The following ZNF469 variants were observed in gnomAD, a reference collection of about 807,000 sequenced individuals.
The protein encoded by ZNF469 is zinc finger protein 469.
In ZNF469, 1 loss-of-function variant was observed where a neutral mutation model predicts 1.0. The observed-to-expected ratio is 1.00, with a 90% CI of 0.35 to 4.73. The LOEUF (loss-of-function observed/expected upper bound fraction) is 4.73, where lower values mean the gene tolerates loss of function less well. Among genes scored for constraint, ZNF469 ranks in the 30% most tolerant of loss-of-function variants. The pLI is 0.16. For synonymous variants in ZNF469, 2,703 were observed against 2,363.4 expected (o/e 1.14, Z -4.17); for missense variants, 6,100 against 5,356.3 (o/e 1.14, Z -4.33).
At chr16:88,371,760 C>T in the ZNF469 span, among the ~76,000 whole-genome samples, 1 of 152,178 alleles carries the variant, frequency 6.6e-6, no homozygotes, top group African/African-American at 2.4e-5. Context: ...AACACATTTG[C>T]TATGCTTAAT....
chr16:88,129,203 C>A, the ZNF469 span, among the ~76,000 whole-genome samples: 2 of 152,246 alleles, frequency 1.3e-5, no homozygotes, highest in Non-Finnish European at 2.9e-5. Context: ...AGCCCTGCCA[C>A]AGCGTCATGC....
the ZNF469 span, among the ~76,000 whole-genome samples, chr16:88,160,815 G>A: frequency 1.3e-5 from 2 of 152,198 alleles, no homozygotes; most frequent in African/African-American, 4.8e-5. Flanking sequence ...CCAGCCGCCA[G>A]CAGGCAGGAA....
At chr16:88,136,937 A>T in the ZNF469 span, among the ~76,000 whole-genome samples, 1 of 152,236 alleles carries the variant, frequency 6.6e-6, no homozygotes, top group South Asian at 2.1e-4. Context: ...CAAAGATCTC[A>T]GCATCCTTGG....
chr16:88,433,606 A>G lies in ZNF469; in HGVS notation c.6136A>G (p.Met2046Val), dbSNP rs1000123778. The change falls in exon 3 of 3, where the codon ATG becomes GTG. Residue 2046 changes from methionine (M) to valine (V), a missense_variant. Met to Val is a conservative substitution (Grantham distance 21). Transcript: ENST00000565624. ...LEKCKGSRAA[M>V]SLQEEAEPTP... ...GAAATGCAAGGGAAGCAGGGCAGCC[A>G]TGAGCCTTCAGGAGGAGGCCGAGCC... 10 of 1,550,182 alleles carry G rather than the reference A, an allele frequency of 6.5e-6. No homozygotes were observed. In the African/African-American group the frequency reaches 9.6e-5, roughly 15 times the overall value.
chr16:88,379,990 G>A (rs146576293), upstream of ZNF469, among the ~76,000 whole-genome samples: 250 of 152,238 alleles, frequency 1.6e-3, no homozygotes, highest in Non-Finnish European at 2.9e-3. Flanking sequence ...ACGCCCAGGC[G>A]GCATTCAGGT....
the ZNF469 span, among the ~76,000 whole-genome samples, chr16:88,316,166 C>A: frequency 6.6e-6 from 1 of 152,268 alleles, no homozygotes; most frequent in Non-Finnish European, 1.5e-5. Context: ...GTCCTCCTCA[C>A]CGGAATCTCC....
chr16:88,430,748 A>T lies in ZNF469; in HGVS notation c.3278A>T (p.Asp1093Val). 6.6e-7 allele frequency: 1 copy of T among 1,505,954 alleles called. No individual in the cohort carries two copies. Among genetic ancestry groups the T allele is most frequent in the Non-Finnish European group, 8.8e-7 (1 of 1,134,296 alleles). 93.3% of individuals were successfully genotyped at this position (1,505,954 alleles called of 1,614,324 possible). ...GAGGACCGCAGGCTCCGCGAGTACGACTTCGCCTCGGAGTCCGAGGAGGAC... is the reference window on the plus strand; with the variant it reads ...GAGGACCGCAGGCTCCGCGAGTACGTCTTCGCCTCGGAGTCCGAGGAGGAC... ...GAEDRRLREY[D>V]FASESEEDEQ... Residue 1093 changes from aspartate to valine, a missense_variant, in exon 3 of 3, where the codon GAC (aspartate) becomes GTC (valine). Physicochemically the swap from Asp to Val is radical, Grantham distance 152. Coordinates refer to ENST00000565624, the MANE Select transcript of ZNF469 (RefSeq NM_001367624.2).
the ZNF469 span, among the ~76,000 whole-genome samples, chr16:88,234,560 C>G: frequency 6.6e-6 from 1 of 152,308 alleles, no homozygotes; most frequent in African/African-American, 2.4e-5. Flanking sequence ...CAGGGCTGAC[C>G]GTGGCACAGC....
the ZNF469 span, among the ~76,000 whole-genome samples, chr16:88,188,287 C>T: frequency 1.3e-5 from 2 of 151,964 alleles, no homozygotes; most frequent in South Asian, 2.1e-4. Flanking sequence ...ACTGAGCACC[C>T]GTGTAACTGT....
chr16:88,295,656 C>T, the ZNF469 span, among the ~76,000 whole-genome samples: 1 of 152,166 alleles, frequency 6.6e-6, no homozygotes, highest in Non-Finnish European at 1.5e-5. Flanking sequence ...GATACTACGG[C>T]CTACACTCGG....
chr16:88,112,375 G>T, the ZNF469 span, among the ~76,000 whole-genome samples: 4 of 152,300 alleles, frequency 2.6e-5, no homozygotes, highest in African/African-American at 7.2e-5. Flanking sequence ...TCTCCACAGC[G>T]GCTGTATTAA....
intron 1 of ZNF469, among the ~76,000 whole-genome samples, chr16:88,399,498 G>A (rs745718769): frequency 1.4e-4 from 21 of 152,296 alleles, no homozygotes; most frequent in Non-Finnish European, 2.5e-4. Context: ...AGGGGGCTGC[G>A]TGAGAAGCCC....
chr16:88,335,576 G>A, the ZNF469 span, among the ~76,000 whole-genome samples: 2 of 152,240 alleles, frequency 1.3e-5, no homozygotes, highest in Admixed American at 6.5e-5. Context: ...CCCAGCCACA[G>A]GGCCTCACTT....
the ZNF469 span, among the ~76,000 whole-genome samples, chr16:88,135,748 G>GTTTTATTCTTTTTTTTT: frequency 4.5e-5 from 3 of 66,926 alleles, 1 homozygote; most frequent in Non-Finnish European, 9.1e-5. Flanking sequence ...AGCTGGCCAT[G>GTTTTATTCTTTTTTTTT]TTTTTTTTTT....
chr16:88,334,795 G>A, the ZNF469 span, among the ~76,000 whole-genome samples: 6 of 152,168 alleles, frequency 3.9e-5, no homozygotes, highest in Non-Finnish European at 8.8e-5. Flanking sequence ...ACACACATGT[G>A]ATGGATACAG....
chr16:88,306,573 G>A, the ZNF469 span, among the ~76,000 whole-genome samples: 1 of 152,192 alleles, frequency 6.6e-6, no homozygotes, highest in Non-Finnish European at 1.5e-5. Context: ...ACACAACACT[G>A]GGGCCACCAG....
chr16:88,286,134 C>A, the ZNF469 span, among the ~76,000 whole-genome samples: 44 of 152,342 alleles, frequency 2.9e-4, no homozygotes, highest in Non-Finnish European at 5.0e-4. Context: ...CTGCCTTTGG[C>A]TTTTGGAGTT....
At chr16:88,384,193 C>A (rs4072963) in intron 1 of ZNF469, among the ~76,000 whole-genome samples, 95,310 of 152,118 alleles carry the variant, frequency 0.63, 30,196 homozygotes, top group African/African-American at 0.69. Flanking sequence ...GTCTTAGATG[C>A]AGAAACTGAT....
chr16:88,239,072 A>C, the ZNF469 span, among the ~76,000 whole-genome samples: 1 of 152,028 alleles, frequency 6.6e-6, no homozygotes, highest in South Asian at 2.1e-4. Context: ...TTGCACATGA[A>C]CTGGGATTGA....
Sources: gnomAD v4.1 joint callset for allele counts (sites outside exome capture counted in the v4.1 genomes callset) on GRCh38, gnomAD v4.1.1 for gene constraint, MANE v1.5 for transcripts, NCBI Gene and HGNC (gene_info 2026-07-23, HGNC 2026-07-21) for gene names.